Variants in PPFIA2 observed in about 807,000 individuals in gnomAD.
The protein encoded by PPFIA2 is PPFI scaffold protein A2.
PPFIA2 carries 46 observed loss-of-function variants against 175.5 expected under a neutral mutation model. That is an observed-to-expected ratio of 0.26 (90% confidence interval 0.21 to 0.34). The LOEUF is 0.34. PPFIA2 is among the 10% of genes least tolerant of loss of function. PPFIA2 has a pLI of 1.00. For missense variants in PPFIA2, 1,179 were observed against 1,506.1 expected, an observed-to-expected ratio of 0.78 and a Z score of 3.60; for synonymous variants, 568 against 511.4, an observed-to-expected ratio of 1.11 and a Z score of -1.49.
intron 4 of PPFIA2, among the ~76,000 whole-genome samples, chr12:81,561,629 C>T (rs2070109623): frequency 6.6e-6 from 1 of 152,124 alleles, no homozygotes; most frequent in Non-Finnish European, 1.5e-5. Flanking sequence ...ATTTTATATT[C>T]TCTGGAGTGC....
At chr12:81,674,182 C>G (rs1285301372) in intron 4 of PPFIA2, among the ~76,000 whole-genome samples, 1 of 151,988 alleles carries the variant, frequency 6.6e-6, no homozygotes, top group African/African-American at 2.4e-5. Context: ...CAATATACCT[C>G]TGAGATTTCT....
intron 4 of PPFIA2, among the ~76,000 whole-genome samples, chr12:81,514,489 C>G (rs1195582533): frequency 6.6e-6 from 1 of 151,872 alleles, no homozygotes; most frequent in Non-Finnish European, 1.5e-5. Flanking sequence ...TATTTTGACA[C>G]TTCTAAGAGT....
chr12:81,669,204 G>T (rs2070946819), intron 4 of PPFIA2, among the ~76,000 whole-genome samples: 1 of 151,818 alleles, frequency 6.6e-6, no homozygotes, highest in South Asian at 2.1e-4. Context: ...TACTGATTTT[G>T]TAAGTTTTTT....
At chr12:81,438,476 C>A (rs978077316) in intron 7 of PPFIA2, among the ~76,000 whole-genome samples, 10 of 151,768 alleles carry the variant, frequency 6.6e-5, no homozygotes, top group African/African-American at 2.4e-4. Flanking sequence ...CGTCTCAAAA[C>A]AAAAAACAAA....
At chr12:81,629,981 C>G (rs1010983425) in intron 4 of PPFIA2, among the ~76,000 whole-genome samples, 1 of 152,128 alleles carries the variant, frequency 6.6e-6, no homozygotes, top group Non-Finnish European at 1.5e-5. Context: ...AATGCAATCA[C>G]AAAGTTTCTT....
intron 3 of PPFIA2, among the ~76,000 whole-genome samples, chr12:81,733,349 T>G (rs2081168140): frequency 6.6e-6 from 1 of 151,694 alleles, no homozygotes; most frequent in South Asian, 2.1e-4. Flanking sequence ...ACAATGGATG[T>G]AAATTTTCAG....
intron 3 of PPFIA2, among the ~76,000 whole-genome samples, chr12:81,737,601 C>G (rs148510957): frequency 6.6e-6 from 1 of 151,870 alleles, no homozygotes; most frequent in Non-Finnish European, 1.5e-5. Flanking sequence ...ACAAATGAAA[C>G]AGATAAAAGG....
At chr12:81,569,335 T>A (rs966815018) in intron 4 of PPFIA2, among the ~76,000 whole-genome samples, 1 of 152,152 alleles carries the variant, frequency 6.6e-6, no homozygotes, top group African/African-American at 2.4e-5. Context: ...TATTTTAAGA[T>A]GAGAATTGTA....
At chr12:81,585,663 C>T (rs1301773448) in intron 4 of PPFIA2, among the ~76,000 whole-genome samples, 1 of 151,770 alleles carries the variant, frequency 6.6e-6, no homozygotes, top group African/African-American at 2.4e-5. Context: ...GCTGTCACCA[C>T]CTATGATAAT....
chr12:81,307,507 G>C (rs1208648360), intron 22 of PPFIA2, among the ~76,000 whole-genome samples: 1 of 152,138 alleles, frequency 6.6e-6, no homozygotes, highest in Non-Finnish European at 1.5e-5. Flanking sequence ...TACCCAGGTT[G>C]GCTGCAGAAA....
At position 81,281,485 on chromosome 12, in the gene PPFIA2, C is replaced by T. The variant is rs747054535; in HGVS notation, c.3019-35G>A. 3 of 1,425,476 alleles carry T rather than the reference C, an allele frequency of 2.1e-6. No individual in the cohort carries two copies. In the South Asian group the frequency reaches 3.8e-5, roughly 18 times the overall value. 88.3% of individuals were successfully genotyped at this position (1,425,476 alleles called of 1,614,324 possible). A position where few individuals can be genotyped will look rare whatever the true frequency, so the allele number is the denominator to read the frequency against. On this transcript the variant is annotated intron_variant, in intron 26 of 32. Transcript: ENST00000549396. ...TTTTATAGCAGTCAAGTTTCTTAAC[C>T]AATCAGATAAGATGGTAATTGGATA...
At chr12:81,585,602 C>A (rs2075195832) in intron 4 of PPFIA2, among the ~76,000 whole-genome samples, 1 of 151,818 alleles carries the variant, frequency 6.6e-6, no homozygotes, top group Non-Finnish European at 1.5e-5. Flanking sequence ...TGTCGTCCAC[C>A]TCCACATTTT....
intron 3 of PPFIA2, among the ~76,000 whole-genome samples, chr12:81,678,999 T>C (rs965161268): frequency 2.0e-5 from 3 of 151,896 alleles, no homozygotes; most frequent in African/African-American, 7.2e-5. Flanking sequence ...TTATTGTCAC[T>C]TAAGTAAATT....
chr12:81,536,212 G>A (rs1317909985), intron 4 of PPFIA2, among the ~76,000 whole-genome samples: 3 of 151,694 alleles, frequency 2.0e-5, no homozygotes, highest in Non-Finnish European at 4.4e-5. Context: ...CAGATCAGTT[G>A]AAGATTAATG....
intron 7 of PPFIA2, among the ~76,000 whole-genome samples, chr12:81,437,422 G>T (rs1020682856): frequency 1.3e-5 from 2 of 152,094 alleles, no homozygotes; most frequent in Non-Finnish European, 2.9e-5. Flanking sequence ...ATAGAGACAG[G>T]GTTTCACCGT....
In PPFIA2 at chr12:81,259,044, A is replaced by G. The variant is rs558507929; in HGVS notation, c.*650T>C. ...CATCCCTGATTGCCTTTAAAGCTCT[A>G]TTTTTGGCTCCGGTTCCAGGTTAAA... is the stretch of plus-strand genomic sequence containing the variant. On this transcript the variant is annotated 3_prime_UTR_variant, in exon 33 of 33. Transcript: ENST00000549396. The G allele has an allele frequency of 6.1e-6, 1 of 162,970 alleles. No homozygotes were observed. The highest frequency in any genetic ancestry group is 1.7e-4 in the South Asian group (1 of 6,050). The allele number at this position is 162,970 out of a possible 1,614,324, so 10.1% of individuals were successfully genotyped here.
chr12:81,326,452 C>T (rs2054778942), intron 21 of PPFIA2, among the ~76,000 whole-genome samples: 1 of 152,072 alleles, frequency 6.6e-6, no homozygotes, highest in Non-Finnish European at 1.5e-5. Flanking sequence ...ACTTCCAGAA[C>T]TCGATGTGTT....
chr12:81,264,104 T>C (rs974395333), intron 30 of PPFIA2, among the ~76,000 whole-genome samples: 8 of 152,108 alleles, frequency 5.3e-5, no homozygotes, highest in African/African-American at 1.7e-4. Context: ...GAGAGTCACA[T>C]CCCATTTAAT....
intron 14 of PPFIA2, among the ~76,000 whole-genome samples, chr12:81,366,248 A>C (rs895742065): frequency 6.6e-6 from 1 of 151,650 alleles, no homozygotes; most frequent in Non-Finnish European, 1.5e-5. Context: ...AAGGCTAATG[A>C]AGAAGGAAAA....
Sources: allele counts gnomAD v4.1 joint callset (sites outside exome capture counted in the v4.1 genomes callset), GRCh38; gene constraint gnomAD v4.1.1; transcripts MANE v1.5; gene names NCBI Gene and HGNC (gene_info 2026-07-23, HGNC 2026-07-21).